NRXN1: variants seen among roughly 807,000 people sequenced by gnomAD.
NRXN1 encodes the protein neurexin 1.
In NRXN1, 39 loss-of-function variants were observed where a neutral mutation model predicts 150.9. The ratio of observed to expected loss-of-function variants is 0.26; its 90% CI spans 0.20 to 0.34. The LOEUF is 0.34. Among genes scored for constraint, NRXN1 ranks in the 10% least tolerant of loss-of-function variants. The pLI is 1.00. For missense variants in NRXN1, 1,815 were observed against 1,949.9 expected, an observed-to-expected ratio of 0.93 and a Z score of 1.30; for synonymous variants, 924 against 757.0, an observed-to-expected ratio of 1.22 and a Z score of -3.62.
At chr2:50,660,007 T>C (rs1235156534) in intron 5 of NRXN1, among the ~76,000 whole-genome samples, 1 of 152,020 alleles carries the variant, frequency 6.6e-6, no homozygotes, top group Non-Finnish European at 1.5e-5. Context: ...ATTTTATTCA[T>C]TGATTTATCC....
intron 17 of NRXN1, among the ~76,000 whole-genome samples, chr2:50,405,513 C>A (rs962008396): frequency 3.9e-5 from 6 of 152,070 alleles, no homozygotes; most frequent in Non-Finnish European, 7.4e-5. Flanking sequence ...GAAAATAAAA[C>A]AAAACTTCTT....
intron 3 of NRXN1, among the ~76,000 whole-genome samples, chr2:50,923,240 T>G (rs1285129789): frequency 6.6e-6 from 1 of 151,892 alleles, no homozygotes; most frequent in Non-Finnish European, 1.5e-5. Flanking sequence ...TGACTAGGCT[T>G]GTTCAAATAC....
intron 5 of NRXN1, among the ~76,000 whole-genome samples, chr2:50,821,588 T>A (rs573319740): frequency 1.3e-5 from 2 of 152,138 alleles, no homozygotes; most frequent in Non-Finnish European, 2.9e-5. Flanking sequence ...AAGTGCAAGC[T>A]GTTATAGGTT....
chr2:50,714,417 G>GA (rs1162691473), intron 5 of NRXN1, among the ~76,000 whole-genome samples: 10 of 151,968 alleles, frequency 6.6e-5, no homozygotes, highest in African/African-American at 2.2e-4. Context: ...GCATTTAAAA[G>GA]CTAGGTTGGT....
At chr2:50,772,738 G>A (rs1703160232) in intron 5 of NRXN1, among the ~76,000 whole-genome samples, 1 of 152,002 alleles carries the variant, frequency 6.6e-6, no homozygotes, top group East Asian at 1.9e-4. Flanking sequence ...TCAAATATGG[G>A]CCAATGTCCA....
chr2:50,316,931 C>T (rs189305039), intron 17 of NRXN1, among the ~76,000 whole-genome samples: 1 of 151,982 alleles, frequency 6.6e-6, no homozygotes, highest in Admixed American at 6.6e-5. Flanking sequence ...TGTCGTCCAA[C>T]CTCAATTATC....
intron 21 of NRXN1, among the ~76,000 whole-genome samples, chr2:49,999,445 A>G (rs1683543238): frequency 6.6e-6 from 1 of 152,158 alleles, no homozygotes; most frequent in African/African-American, 2.4e-5. Context: ...CTGAACATGA[A>G]GAGGAACCAA....
At chr2:50,564,636 T>C (rs1669592124) in intron 8 of NRXN1, among the ~76,000 whole-genome samples, 1 of 152,228 alleles carries the variant, frequency 6.6e-6, no homozygotes, top group Non-Finnish European at 1.5e-5. Context: ...ATTTAGCTTA[T>C]ACTGGGTGGA....
chr2:50,312,498 A>G (rs2075264190), intron 17 of NRXN1, among the ~76,000 whole-genome samples: 1 of 151,992 alleles, frequency 6.6e-6, no homozygotes, highest in East Asian at 1.9e-4. Flanking sequence ...CTAAATTTCA[A>G]TATAGCTAGT....
chr2:50,927,669 T>C (rs563771149), intron 2 of NRXN1, among the ~76,000 whole-genome samples: 1 of 152,060 alleles, frequency 6.6e-6, no homozygotes, highest in Non-Finnish European at 1.5e-5. Flanking sequence ...ACTTTGAAAT[T>C]GTATCTTCTG....
intron 21 of NRXN1, among the ~76,000 whole-genome samples, chr2:49,969,141 G>A (rs1677492443): frequency 6.6e-6 from 1 of 152,048 alleles, no homozygotes; most frequent in Non-Finnish European, 1.5e-5. Context: ...CTTGCTATAT[G>A]TACTTTTAAG....
intron 5 of NRXN1, among the ~76,000 whole-genome samples, chr2:50,637,234 C>T (rs560926237): frequency 3.8e-4 from 58 of 152,258 alleles, no homozygotes; most frequent in African/African-American, 1.4e-3. Context: ...TATACTGGGT[C>T]TTCCATAACT....
At chr2:50,704,028 C>A (rs1476386862) in intron 5 of NRXN1, among the ~76,000 whole-genome samples, 1 of 151,994 alleles carries the variant, frequency 6.6e-6, no homozygotes, top group Non-Finnish European at 1.5e-5. Context: ...TACATCACTT[C>A]TGGTGGATTG....
intron 5 of NRXN1, among the ~76,000 whole-genome samples, chr2:50,670,648 C>G (rs774835630): frequency 2.6e-5 from 4 of 151,876 alleles, no homozygotes; most frequent in Non-Finnish European, 5.9e-5. Flanking sequence ...GTACCTGGAT[C>G]CAATTTAGGA....
chr2:50,459,319 C>G (rs1015052606), intron 17 of NRXN1, among the ~76,000 whole-genome samples: 2 of 151,972 alleles, frequency 1.3e-5, no homozygotes, highest in East Asian at 3.9e-4. Flanking sequence ...TATTTTTTTA[C>G]TTTTATTTTA....
At chr2:50,549,979 A>G (rs1667198567) in intron 9 of NRXN1, among the ~76,000 whole-genome samples, 1 of 152,208 alleles carries the variant, frequency 6.6e-6, no homozygotes, top group African/African-American at 2.4e-5. Context: ...CAATTTACAT[A>G]GAAGAAAGAC....
intron 17 of NRXN1, among the ~76,000 whole-genome samples, chr2:50,281,351 A>G (rs1188837679): frequency 6.6e-6 from 1 of 151,092 alleles, no homozygotes; most frequent in Non-Finnish European, 1.5e-5. Flanking sequence ...CCATAATAGT[A>G]GAACAATGGC....
chr2:50,669,414 C>A (rs1269981784), intron 5 of NRXN1, among the ~76,000 whole-genome samples: 1 of 151,872 alleles, frequency 6.6e-6, no homozygotes, highest in Admixed American at 6.6e-5. Context: ...ATCAAAAATA[C>A]AAACAGAAAC....
At chr2:50,843,850 G>A (rs1011739716) in intron 5 of NRXN1, among the ~76,000 whole-genome samples, 4 of 152,028 alleles carry the variant, frequency 2.6e-5, no homozygotes, top group Non-Finnish European at 5.9e-5. Flanking sequence ...TCCCTCAAAC[G>A]TCTCACAATG....
Sources: gnomAD v4.1 joint callset for allele counts (sites outside exome capture counted in the v4.1 genomes callset) on GRCh38, gnomAD v4.1.1 for gene constraint, MANE v1.5 for transcripts, NCBI Gene and HGNC (gene_info 2026-07-23, HGNC 2026-07-21) for gene names.